Variants in CTTNBP2 observed in about 807,000 individuals in gnomAD.
The protein encoded by CTTNBP2 is cortactin binding protein 2.
Under a neutral mutation model 156.9 loss-of-function variants are expected in CTTNBP2, and 108 were observed. That is an observed-to-expected ratio of 0.69 (90% CI 0.59 to 0.81). The LOEUF (loss-of-function observed/expected upper bound fraction) is 0.81, where lower values mean the gene tolerates loss of function less well. CTTNBP2 is among the 30% of genes least tolerant of loss of function. CTTNBP2 has a pLI of 0.00. For missense variants in CTTNBP2, 1,924 were observed against 2,035.4 expected, an observed-to-expected ratio of 0.95 and a Z score of 1.05; for synonymous variants, 767 against 751.8, an observed-to-expected ratio of 1.02 and a Z score of -0.33.
At chr7:117,796,464 G>A (rs1584437808) in intron 3 of CTTNBP2, among the ~76,000 whole-genome samples, 1 of 152,106 alleles carries the variant, frequency 6.6e-6, no homozygotes, top group Admixed American at 6.5e-5. Context: ...GACCATTTCA[G>A]CTCAGAGACA....
chr7:117,857,598 TA>T (rs1803414283), intron 2 of CTTNBP2, among the ~76,000 whole-genome samples: 3 of 152,190 alleles, frequency 2.0e-5, no homozygotes, highest in Non-Finnish European at 4.4e-5. Flanking sequence ...TTTCTAAATT[TA>T]ATAAAGTTCA....
intron 9 of CTTNBP2, among the ~76,000 whole-genome samples, chr7:117,766,430 A>AT (rs1460903582): frequency 6.6e-6 from 1 of 152,256 alleles, no homozygotes; most frequent in Non-Finnish European, 1.5e-5. Context: ...TAGGTTGAAG[A>AT]TAAAAACATT....
intron 2 of CTTNBP2, among the ~76,000 whole-genome samples, chr7:117,823,488 A>T (rs575329893): frequency 6.6e-6 from 1 of 152,294 alleles, no homozygotes; most frequent in East Asian, 1.9e-4. Flanking sequence ...TAATATCCTC[A>T]CTTGCCTAAT....
chr7:117,755,551 C>T (rs1218010483), intron 12 of CTTNBP2: 1 of 470,202 alleles, frequency 2.1e-6, no homozygotes, highest in Non-Finnish European at 4.4e-6. Flanking sequence ...GAGCATTTTA[C>T]CTCTCTCTGT....
chr7:117,810,958 C>T lies in CTTNBP2; in HGVS notation c.221G>A (p.Arg74Gln), dbSNP rs767996886. 28 of 1,613,838 alleles carry T rather than the reference C, an allele frequency of 1.7e-5. No individual in the cohort carries two copies. Among genetic ancestry groups the T allele is most frequent in the East Asian group, 2.2e-5 (1 of 44,882 alleles). Residue 74 changes from arginine (R) to glutamine (Q), a missense_variant, in exon 3 of 23, where the codon CGG (arginine) becomes CAG (glutamine). Transcript: ENST00000160373. ...ARRKEVFIQERYGRFNLNDPF... is the reference protein window; with the variant it reads ...ARRKEVFIQEQYGRFNLNDPF... ...GTCATTTAGATTAAATCTCCCATAC[C>T]GTTCCTGGATAAATACCTCCTTCCT... is the stretch of plus-strand genomic sequence containing the variant.
At chr7:117,845,521 G>C (rs1231277230) in intron 2 of CTTNBP2, among the ~76,000 whole-genome samples, 3 of 151,952 alleles carry the variant, frequency 2.0e-5, no homozygotes, top group African/African-American at 7.3e-5. Context: ...TAAAAAAAAG[G>C]ATATCTTAAA....
intron 2 of CTTNBP2, among the ~76,000 whole-genome samples, chr7:117,825,682 C>G (rs945194815): frequency 6.6e-6 from 1 of 152,152 alleles, no homozygotes; most frequent in African/African-American, 2.4e-5. Flanking sequence ...GGTTATTTGA[C>G]TGACTACCCT....
In CTTNBP2 at chr7:117,836,024, T is replaced by C. The variant is rs567083199; in HGVS notation, c.190-25035A>G. On this transcript the variant is annotated intron_variant, in intron 2 of 22. Coordinates refer to ENST00000160373, the MANE Select transcript of CTTNBP2 (RefSeq NM_033427.3). Reference sequence around the variant, plus strand: ...CCATGTTGCCTGACACAAGGAAAAGTGTCGAGTTCTGTCACTTTCAAGAAG... The same window carrying C: ...CCATGTTGCCTGACACAAGGAAAAGCGTCGAGTTCTGTCACTTTCAAGAAG... Among the ~76,000 whole-genome samples, 39 of 152,216 alleles carry C rather than the reference T, an allele frequency of 2.6e-4. 1 individual carries two copies. The South Asian group carries it at 8.1e-3, about 32-fold the overall frequency.
At chr7:117,738,948 G>A (rs1260838437) in intron 14 of CTTNBP2, among the ~76,000 whole-genome samples, 3 of 152,108 alleles carry the variant, frequency 2.0e-5, no homozygotes, top group Admixed American at 6.5e-5. Flanking sequence ...AGACAAAAAG[G>A]GGGAAGGGCT....
intron 2 of CTTNBP2, among the ~76,000 whole-genome samples, chr7:117,825,471 A>T (rs191953006): frequency 1.7e-3 from 255 of 152,358 alleles, no homozygotes; most frequent in Non-Finnish European, 3.3e-3. Context: ...GGCATTGGCT[A>T]GCTCTTTTCC....
intron 3 of CTTNBP2, among the ~76,000 whole-genome samples, chr7:117,796,356 C>T (rs1799314724): frequency 1.3e-5 from 2 of 152,136 alleles, no homozygotes; most frequent in African/African-American, 4.8e-5. Flanking sequence ...ACCATTTCAG[C>T]TCAGAGACAA....
chr7:117,834,047 TTTCTTTC>T (rs1370642988), intron 2 of CTTNBP2, among the ~76,000 whole-genome samples: 1 of 135,974 alleles, frequency 7.4e-6, no homozygotes, highest in African/African-American at 2.7e-5. Flanking sequence ...TATTTTCTTT[TTTCTTTC>T]TTCTTTTTTT....
chr7:117,722,648 A>G (rs913638521), intron 19 of CTTNBP2, among the ~76,000 whole-genome samples: 1 of 152,154 alleles, frequency 6.6e-6, no homozygotes, highest in African/African-American at 2.4e-5. Context: ...CATTTTGTTG[A>G]TTCTGTTTGT....
chr7:117,778,305 TC>T (rs1798213800), intron 7 of CTTNBP2, among the ~76,000 whole-genome samples: 1 of 152,130 alleles, frequency 6.6e-6, no homozygotes, highest in Non-Finnish European at 1.5e-5. Flanking sequence ...CCAAATAATT[TC>T]AGTGAAGGTT....
intron 3 of CTTNBP2, among the ~76,000 whole-genome samples, chr7:117,802,449 A>C (rs575337536): frequency 8.4e-5 from 12 of 142,834 alleles, no homozygotes; most frequent in South Asian, 4.5e-4. Context: ...AAAAAAAAAA[A>C]AAAAAAAACA....
chr7:117,829,367 G>C (rs902957346), intron 2 of CTTNBP2, among the ~76,000 whole-genome samples: 2 of 152,186 alleles, frequency 1.3e-5, no homozygotes, highest in Non-Finnish European at 2.9e-5. Flanking sequence ...CTCAGCTTCT[G>C]CCCAAAATAT....
intron 1 of CTTNBP2, among the ~76,000 whole-genome samples, chr7:117,864,661 A>AATATATATTCATATATTTATATATATTC (rs1563077464): frequency 2.1e-4 from 22 of 103,014 alleles, no homozygotes; most frequent in African/African-American, 6.7e-4. Context: ...TAGATGTATG[A>AATATATATTCATATATTTATATATATTC]ATATATATTC....
In CTTNBP2 at chr7:117,711,627, ACTG is replaced by A; in HGVS notation, c.4899_4901del (p.Ser1634del). The A allele has an allele frequency of 1.2e-6, 2 of 1,613,930 alleles. No individual in the cohort carries two copies. Among genetic ancestry groups the A allele is most frequent in the Non-Finnish European group, 1.7e-6 (2 of 1,179,898 alleles). On this transcript the variant is annotated inframe_deletion, in exon 23 of 23. Coordinates refer to ENST00000160373, the MANE Select transcript of CTTNBP2 (RefSeq NM_033427.3). The stretch of plus-strand genomic sequence containing the variant: ...TGTTGATTTCTATTTGCCTTGTATT[ACTG>A]CTGCTGCTGCTTCTTTTGGTGTTCT...
At chr7:117,739,850 C>T (rs1795900614) in intron 14 of CTTNBP2, among the ~76,000 whole-genome samples, 1 of 152,172 alleles carries the variant, frequency 6.6e-6, no homozygotes, top group Admixed American at 6.5e-5. Context: ...TCTGGAGACT[C>T]CAATTGTCAT....
Sources: gnomAD v4.1 joint callset for allele counts (sites outside exome capture counted in the v4.1 genomes callset) on GRCh38, gnomAD v4.1.1 for gene constraint, MANE v1.5 for transcripts, NCBI Gene and HGNC (gene_info 2026-07-23, HGNC 2026-07-21) for gene names.